ADGRE3: variants seen among roughly 807,000 people sequenced by gnomAD.
ADGRE3 encodes adhesion G protein-coupled receptor E3, also known as EGF-like module receptor 3.
In ADGRE3, 88 loss-of-function variants were observed where a neutral mutation model predicts 80.1. The ratio of observed to expected loss-of-function variants is 1.10; its 90% confidence interval spans 0.93 to 1.31. The LOEUF (loss-of-function observed/expected upper bound fraction) is 1.31, where lower values mean the gene tolerates loss of function less well. Among genes scored for constraint, ADGRE3 ranks in the 40% most tolerant of loss-of-function variants. ADGRE3 has a pLI of 0.00. For missense variants in ADGRE3, 715 were observed against 776.5 expected, an observed-to-expected ratio of 0.92 and a Z score of 0.94; for synonymous variants, 281 against 294.8, an observed-to-expected ratio of 0.95 and a Z score of 0.48.
chr19:14,620,093 C>A (rs947112066), intron 15 of ADGRE3, among the ~76,000 whole-genome samples: 3 of 152,138 alleles, frequency 2.0e-5, no homozygotes, highest in Non-Finnish European at 4.4e-5. Context: ...GGCGACCTAT[C>A]TGATCTTCCA....
chr19:14,654,928 G>C lies in ADGRE3; in HGVS notation c.577+54C>G. 2.1e-6 allele frequency: 3 copies of C among 1,447,042 alleles called. No homozygotes were observed. In the South Asian group the frequency reaches 3.9e-5, roughly 19 times the overall value. 89.6% of individuals were successfully genotyped at this position (1,447,042 alleles called of 1,614,324 possible). On this transcript the variant is annotated intron_variant, in intron 6 of 15. Coordinates refer to ENST00000253673, the MANE Select transcript of ADGRE3 (RefSeq NM_032571.5). ...TTTTTTTTTCTAATTGCCTAACCCA[G>C]ATCCCAGCTGCTAACCAGTCCCCAG...
intron 4 of ADGRE3, 64 bp from the exon 5 acceptor site, chr19:14,658,614 A>C: frequency 7.8e-7 from 1 of 1,283,770 alleles, no homozygotes; most frequent in Non-Finnish European, 1.1e-6. Flanking sequence ...AGGGGTGGGC[A>C]GGTGGGGTAA....
chr19:14,658,478 A>G, intron 5 of ADGRE3, 35 bp downstream of exon 5: 1 of 1,494,686 alleles, frequency 6.7e-7, no homozygotes, highest in South Asian at 1.4e-5. Flanking sequence ...GATGTTTGTT[A>G]CCTGGGAAGG....
chr19:14,640,264 G>C (rs185267131), intron 10 of ADGRE3, among the ~76,000 whole-genome samples: 1 of 152,038 alleles, frequency 6.6e-6, no homozygotes, highest in African/African-American at 2.4e-5. Flanking sequence ...CTTGCTATGG[G>C]GGGGACAAAA....
intron 11 of ADGRE3, among the ~76,000 whole-genome samples, chr19:14,636,648 A>G (rs1971100144): frequency 6.6e-6 from 1 of 152,120 alleles, no homozygotes; most frequent in African/African-American, 2.4e-5. Context: ...AACAAGCCAA[A>G]CTTGCAGCAC....
chr19:14,659,888 A>G (rs1163436420), intron 4 of ADGRE3, among the ~76,000 whole-genome samples: 1 of 148,388 alleles, frequency 6.7e-6, no homozygotes, highest in East Asian at 2.0e-4. Context: ...ATCTTTTATC[A>G]TCATGCTGAG....
chr19:14,617,374 C>CTCT (rs2075086609), downstream of ADGRE3, among the ~76,000 whole-genome samples: 5 of 95,656 alleles, frequency 5.2e-5, no homozygotes, highest in South Asian at 3.7e-4. Flanking sequence ...TTCTTTCTTT[C>CTCT]TTCCTTTCTT....
At chr19:14,617,350 C>CTT (rs1555752273), downstream of ADGRE3, among the ~76,000 whole-genome samples, 4 of 82,666 alleles carry the variant, frequency 4.8e-5, no homozygotes, top group South Asian at 1.1e-3. Context: ...CCCTTTCTTT[C>CTT]TTTCTTTCTT....
rs201601823 is a variant in ADGRE3, at chr19:14,643,142, TG to T, written c.1050+965del. Among the ~76,000 whole-genome samples the T allele has an allele frequency of 5.1e-3, 684 of 133,968 alleles. 9 individuals carry two copies. The highest frequency in any genetic ancestry group is 0.019 in the African/African-American group (638 of 33,322). 87.9% of individuals were successfully genotyped at this position (133,968 alleles called of 152,430 possible). On this transcript the variant is annotated intron_variant, in intron 9 of 15. Transcript: ENST00000253673. ...TTCATGATGTGGTTTATAGTAATCATGGTTTTTTTTTTTTTTTTTTTTTAGA... is the reference window on the plus strand; with the variant it reads ...TTCATGATGTGGTTTATAGTAATCATGTTTTTTTTTTTTTTTTTTTTTAGA...
At chr19:14,655,254 G>A in intron 5 of ADGRE3, 89 bp from the exon 6 acceptor site, 1 of 1,224,178 alleles carries the variant, frequency 8.2e-7, no homozygotes, top group African/African-American at 1.5e-5. Context: ...TGAGAAAGCA[G>A]GCTCTGGAGC....
chr19:14,606,549 G>C, the ADGRE3 span, among the ~76,000 whole-genome samples: 769 of 151,874 alleles, frequency 5.1e-3, 5 homozygotes, highest in Non-Finnish European at 8.4e-3. Flanking sequence ...GCGTGGTGGC[G>C]GGTAGCTATA....
Position 14,641,545 on chromosome 19 carries a change from C to A in ADGRE3, c.1122G>T (p.Ala374=). 6.2e-7 allele frequency: 1 copy of A among 1,613,832 alleles called. No homozygotes were observed. Among genetic ancestry groups the A allele is most frequent in the African/African-American group, 1.3e-5 (1 of 75,028 alleles). Residue 374 remains alanine (A), a synonymous_variant, in exon 10 of 16, where the codon GCG becomes GCT. Transcript: ENST00000253673. ...LSVSLLCLLL[A]ALTFLLCKAI... The stretch of plus-strand genomic sequence containing the variant: ...CTTTACACAGGAGAAAAGTGAGGGC[C>A]GCCAGGAGGAGGCACAGCAGAGAGA...
chr19:14,667,394 A>G (rs2146907983), intron 2 of ADGRE3, among the ~76,000 whole-genome samples: 1 of 150,922 alleles, frequency 6.6e-6, no homozygotes, highest in South Asian at 2.1e-4. Flanking sequence ...GAAATTTACC[A>G]TCTTAGTGCA....
At chr19:14,643,291 G>A (rs1342316835) in intron 9 of ADGRE3, among the ~76,000 whole-genome samples, 4 of 151,052 alleles carry the variant, frequency 2.6e-5, no homozygotes, top group African/African-American at 4.9e-5. Flanking sequence ...GACAACAGGC[G>A]TGTGCCACCA....
chr19:14,665,498 T>A (rs914952165), intron 2 of ADGRE3, among the ~76,000 whole-genome samples: 3 of 152,056 alleles, frequency 2.0e-5, no homozygotes, highest in Non-Finnish European at 1.5e-5. Context: ...TTATTTTACT[T>A]TATTTTTTAA....
chr19:14,654,428 A>T (rs1971695316), intron 6 of ADGRE3, among the ~76,000 whole-genome samples: 1 of 150,750 alleles, frequency 6.6e-6, no homozygotes, highest in South Asian at 2.1e-4. Context: ...GCACCTGGCA[A>T]ATTTTAAATT....
intron 5 of ADGRE3, among the ~76,000 whole-genome samples, chr19:14,656,112 G>T (rs1599642175): frequency 6.6e-6 from 1 of 152,062 alleles, no homozygotes; most frequent in Admixed American, 6.6e-5. Context: ...TTGGAAGGCC[G>T]AGGGGGGTGG....
At chr19:14,634,548 A>G (rs1832922451) in intron 11 of ADGRE3, among the ~76,000 whole-genome samples, 1 of 152,170 alleles carries the variant, frequency 6.6e-6, no homozygotes, top group Non-Finnish European at 1.5e-5. Flanking sequence ...TTAGGATAAT[A>G]GGCACCAAAC....
intron 15 of ADGRE3, 50 bp downstream of exon 15, chr19:14,625,442 T>C (rs1970711329): frequency 8.3e-7 from 1 of 1,200,870 alleles, no homozygotes; most frequent in South Asian, 1.3e-5. Flanking sequence ...GTTTGCAGTG[T>C]CAAGAGAGGA....
Sources: allele counts gnomAD v4.1 joint callset (sites outside exome capture counted in the v4.1 genomes callset), GRCh38; gene constraint gnomAD v4.1.1; transcripts MANE v1.5; gene names NCBI Gene and HGNC (gene_info 2026-07-23, HGNC 2026-07-21).